Variants in AHNAK2 observed in about 807,000 individuals in gnomAD.
AHNAK2 encodes the protein AHNAK nucleoprotein 2.
Under a neutral mutation model 30.7 loss-of-function variants are expected in AHNAK2, and 18 were observed. The observed-to-expected ratio is 0.59, with a 90% CI of 0.41 to 0.87. AHNAK2 has a LOEUF of 0.87. AHNAK2 is among the 40% of genes least tolerant of loss of function. The probability of loss-of-function intolerance (pLI) is 0.00; values close to 1 mark genes in which losing one functional copy is unlikely to be tolerated. For synonymous variants in AHNAK2, 3,590 were observed against 3,073.8 expected, an observed-to-expected ratio of 1.17 and a Z score of -5.56; for missense variants, 8,604 against 7,373.0, an observed-to-expected ratio of 1.17 and a Z score of -6.11.
At position 104,939,756 on chromosome 14, in the gene AHNAK2, A is replaced by G; in HGVS notation, c.15695T>C (p.Val5232Ala). The G allele has an allele frequency of 6.2e-7, 1 of 1,613,754 alleles. No homozygotes were observed. Among genetic ancestry groups the G allele is most frequent in the Non-Finnish European group, 8.5e-7 (1 of 1,179,874 alleles). Residue 5232 changes from valine (V) to alanine (A), a missense_variant, in exon 7 of 7, where the codon GTC becomes GCC. By Grantham distance (64) the Val-to-Ala change is moderately conservative. Coordinates refer to ENST00000333244, the MANE Select transcript of AHNAK2 (RefSeq NM_138420.4). The stretch of plus-strand genomic sequence containing the variant: ...TGACCCAGAAACAAGGAACTCTTTG[A>G]CTTTAGCTGCTGCTTCACCCCCTGT... ...AATGGEAAAK[V>A]KEFLVSGSNV...
In AHNAK2 at chr14:104,940,374, A is replaced by C; in HGVS notation, c.15077T>G (p.Leu5026Arg). Residue 5026 changes from leucine (L) to arginine (R), a missense_variant, in exon 7 of 7, where the codon CTT becomes CGT. Coordinates refer to ENST00000333244, the MANE Select transcript of AHNAK2 (RefSeq NM_138420.4). The surrounding 1 kb of genome is among the most constrained non-coding windows in gnomAD (Gnocchi z 4.4). ...STKPGFAMPK[L>R]ALPKMKASKS... Reference sequence around the variant, plus strand: ...AGAAGCCTTCATTTTGGGAAGTGCAAGTTTTGGCATGGCAAAGCCAGGCTT... The same window carrying C: ...AGAAGCCTTCATTTTGGGAAGTGCACGTTTTGGCATGGCAAAGCCAGGCTT... 6.2e-7 allele frequency: 1 copy of C among 1,613,780 alleles called. No homozygotes were observed. The highest frequency in any genetic ancestry group is 1.3e-5 in the African/African-American group (1 of 75,014).
rs1898623558 is a variant in AHNAK2, at chr14:104,950,468, G to A, written c.4983C>T (p.Pro1661=). Residue 1661 remains proline, a synonymous_variant, in exon 7 of 7, where the codon CCC becomes CCT. Transcript: ENST00000333244. ...CCCCAAATGATGGCATCTTGAACTT[G>A]GGCATTTTGAACTTGCTGTCTTTGG... is the stretch of plus-strand genomic sequence containing the variant. ...VTAKDSKFKM[P]KFKMPSFGVS... 3.2e-6 allele frequency: 5 copies of A among 1,586,754 alleles called. No individual in the cohort carries two copies. The highest frequency in any genetic ancestry group is 1.4e-5 in the African/African-American group (1 of 72,808).
chr14:104,969,553 T>C (rs574979289), intron 1 of AHNAK2, among the ~76,000 whole-genome samples: 1 of 152,370 alleles, frequency 6.6e-6, no homozygotes, highest in Non-Finnish European at 1.5e-5. Context: ...ACTCAGAGCC[T>C]GGCACACAGT....
rs765365058 is a variant in AHNAK2, at chr14:104,943,444, T to C, written c.12007A>G (p.Ser4003Gly). Residue 4003 changes from serine to glycine, a missense_variant, in exon 7 of 7, where the codon AGC becomes GGC. Transcript: ENST00000333244. ...AGGTCCCCCTGCATGGAAGGGAGGC[T>C]CACGTCGGCCTCCACCTTTGGCGCG... ...VTAPKVEADVSLPSMQGDLKA... is the reference protein window; with the variant it reads ...VTAPKVEADVGLPSMQGDLKA... 2.3e-5 allele frequency: 37 copies of C among 1,613,048 alleles called. No individual in the cohort carries two copies. The Admixed American group carries it at 6.2e-4, about 27-fold the overall frequency.
At chr14:104,958,380 G>A (rs1050690810) in intron 1 of AHNAK2, among the ~76,000 whole-genome samples, 5 of 152,144 alleles carry the variant, frequency 3.3e-5, no homozygotes, top group East Asian at 3.9e-4. Context: ...CCTGGGAGGC[G>A]GAGGTTGTGG....
Position 104,941,728 on chromosome 14 carries a change from G to A in AHNAK2, c.13723C>T (p.Leu4575=). 6.2e-7 allele frequency: 1 copy of A among 1,613,872 alleles called. No homozygotes were observed. Among genetic ancestry groups the A allele is most frequent in the Non-Finnish European group, 8.5e-7 (1 of 1,179,888 alleles). The change falls in exon 7 of 7, where the codon CTG becomes TTG. Residue 4575 remains leucine, a synonymous_variant. Coordinates refer to ENST00000333244, the MANE Select transcript of AHNAK2 (RefSeq NM_138420.4). ...ATCACCTCTGCCTTTGGGCCTTTCA[G>A]GTCCAGCTTGGGGCCCTTGACGTCC... ...QVDVKGPKLD[L]KGPKAEVMAP...
At chr14:104,959,377 G>A (rs1311479618) in intron 1 of AHNAK2, among the ~76,000 whole-genome samples, 1 of 152,126 alleles carries the variant, frequency 6.6e-6, no homozygotes, top group South Asian at 2.1e-4. Context: ...TCACCATGTC[G>A]GCCAGGCTGG....
chr14:104,939,653 T>G lies in AHNAK2; in HGVS notation c.15798A>C (p.Thr5266=). The change falls in exon 7 of 7, where the codon ACA becomes ACC. Residue 5266 remains threonine, a synonymous_variant. Transcript: ENST00000333244. ...TGTCAAGATCACACCTTAGAATATC[T>G]GTGGATGATTTGCTCTCAGAAGCTG... ...EVTASESKSS[T]DILRCDLDST... 6.2e-7 allele frequency: 1 copy of G among 1,613,904 alleles called. No homozygotes were observed. The highest frequency in any genetic ancestry group is 8.5e-7 in the Non-Finnish European group (1 of 1,179,884).
rs572641808 is a variant in AHNAK2, at chr14:104,945,141, G to C, written c.10310C>G (p.Pro3437Arg). The C allele has an allele frequency of 1.9e-6, 3 of 1,613,166 alleles. No homozygotes were observed. The highest frequency in any genetic ancestry group is 2.7e-5 in the African/African-American group (2 of 74,682). Residue 3437 changes from proline (P) to arginine (R), a missense_variant, in exon 7 of 7, where the codon CCC becomes CGC. Transcript: ENST00000333244. ...GGCCTGGACGTCCACCTCCACGCTG[G>C]GCAGAGACACCTCCACATCAGGGAC... ...VTVPDVEVSL[P>R]SVEVDVQAPR...
intron 1 of AHNAK2, among the ~76,000 whole-genome samples, chr14:104,961,470 G>C (rs1006016397): frequency 6.6e-6 from 1 of 151,018 alleles, no homozygotes; most frequent in Non-Finnish European, 1.5e-5. Context: ...AGCCGAGATC[G>C]CGTCACTGCA....
chr14:104,956,122 T>C (rs528759829), intron 4 of AHNAK2, among the ~76,000 whole-genome samples: 25 of 152,208 alleles, frequency 1.6e-4, no homozygotes, highest in African/African-American at 6.0e-4. Flanking sequence ...TGCAGAGCTC[T>C]TGGACTGCTG....
intron 1 of AHNAK2, among the ~76,000 whole-genome samples, chr14:104,962,501 C>A (rs1194374015): frequency 6.6e-6 from 1 of 152,222 alleles, no homozygotes; most frequent in African/African-American, 2.4e-5. Context: ...TCTCAGCTCA[C>A]AGCAACTTCT....
Position 104,947,793 on chromosome 14 carries a change from T to G in AHNAK2, c.7658A>C (p.Glu2553Ala). ...GCCGGCTCCCTCCGGCACAGGGCCC[T>G]CTGGGAGTTTCACGTCCACTTGGCC... ...QAGQVDVKLP[E>A]GPVPEGAGLK... The change falls in exon 7 of 7, where the codon GAG becomes GCG. Residue 2553 changes from glutamate (E) to alanine (A), a missense_variant. By Grantham distance (107) the Glu-to-Ala change is moderately radical. Coordinates refer to ENST00000333244, the MANE Select transcript of AHNAK2 (RefSeq NM_138420.4). The G allele has an allele frequency of 1.9e-6, 3 of 1,612,538 alleles. No individual in the cohort carries two copies. Among genetic ancestry groups the G allele is most frequent in the Non-Finnish European group, 2.5e-6 (3 of 1,179,570 alleles).
Position 104,945,205 on chromosome 14 carries a change from G to C in AHNAK2, c.10246C>G (p.Pro3416Ala), listed in dbSNP as rs1361496594. The C allele has an allele frequency of 1.2e-6, 2 of 1,612,944 alleles. No homozygotes were observed. Among genetic ancestry groups the C allele is most frequent in the Non-Finnish European group, 1.7e-6 (2 of 1,179,640 alleles). Reference protein sequence around the residue: ...LKSPQVDIKGPKLDLKVPKAE... With the variant: ...LKSPQVDIKGAKLDLKVPKAE... ...TTGGGGACTTTTAGGTCCAGCTTGG[G>C]GCCCTTGATGTCCACCTGGGGGCTC... Residue 3416 changes from proline (P) to alanine (A), a missense_variant, in exon 7 of 7, where the codon CCC becomes GCC. Physicochemically the swap from Pro to Ala is conservative, Grantham distance 27. Transcript: ENST00000333244.
rs1257395605 is a variant in AHNAK2, at chr14:104,948,684, A to C, written c.6767T>G (p.Ile2256Arg). The change falls in exon 7 of 7, where the codon ATA (isoleucine) becomes AGA (arginine). Residue 2256 changes from isoleucine to arginine, a missense_variant. Transcript: ENST00000333244. ...VPKVDLKGPE[I>R]DIKGPKLDLK... ...GTCCAGCTTGGGGCCCTTGATGTCT[A>C]TTTCGGGGCCCTTGAGGTCCACTTT... The C allele has an allele frequency of 6.2e-7, 1 of 1,608,604 alleles. No homozygotes were observed. The highest frequency in any genetic ancestry group is 1.4e-5 in the African/African-American group (1 of 73,222).
chr14:104,943,269 A>G lies in AHNAK2; in HGVS notation c.12182T>C (p.Met4061Thr), dbSNP rs1247166672. 11 of 1,612,538 alleles carry G rather than the reference A, an allele frequency of 6.8e-6. No individual in the cohort carries two copies. Among genetic ancestry groups the G allele is most frequent in the Admixed American group, 1.7e-5 (1 of 59,864 alleles). ...GGGGCCCTTGAGGTCCACTTTGGGC[A>G]TCTTGAAACTGGGCATCTGCACCTT... Reference protein sequence around the residue: ...LPKVQMPSFKMPKVDLKGPQI... With the variant: ...LPKVQMPSFKTPKVDLKGPQI... Residue 4061 changes from methionine to threonine, a missense_variant, in exon 7 of 7, where the codon ATG (methionine) becomes ACG (threonine). Physicochemically the swap from Met to Thr is moderately conservative, Grantham distance 81. Transcript: ENST00000333244.
intron 1 of AHNAK2, among the ~76,000 whole-genome samples, chr14:104,962,883 A>C (rs1039622257): frequency 8.5e-5 from 13 of 152,236 alleles, no homozygotes; most frequent in Non-Finnish European, 1.9e-4. Context: ...CATAGAGGGG[A>C]ATGTAAAACC....
In AHNAK2 at chr14:104,951,785, G is replaced by T. The variant is rs761670852; in HGVS notation, c.3666C>A (p.Val1222=). ...GCTTCACGTCCACCTGGCCAGCGTG[G>T]ACCTCCAGGTCAGCGGAAGGGGGCT... ...SIQPPSADLE[V]HAGQVDVKLL... is the part of the protein sequence containing the mutation. The change falls in exon 7 of 7, where the codon GTC becomes GTA. Residue 1222 remains valine, a synonymous_variant. Transcript: ENST00000333244. 31 of 1,343,510 alleles carry T rather than the reference G, an allele frequency of 2.3e-5. 9 individuals are homozygous for T. In the Middle Eastern group the frequency reaches 6.5e-4, roughly 28 times the overall value. 83.2% of individuals were successfully genotyped at this position (1,343,510 alleles called of 1,614,324 possible).
In AHNAK2 at chr14:104,951,140, C is replaced by T. The variant is rs1413699024; in HGVS notation, c.4311G>A (p.Lys1437=). 3 of 1,069,442 alleles carry T rather than the reference C, an allele frequency of 2.8e-6. 1 individual carries two copies. Among genetic ancestry groups the T allele is most frequent in the Non-Finnish European group, 4.1e-6 (3 of 738,054 alleles). 66.2% of individuals were successfully genotyped at this position (1,069,442 alleles called of 1,614,324 possible). Residue 1437 remains lysine (K), a synonymous_variant, in exon 7 of 7, where the codon AAG becomes AAA. Coordinates refer to ENST00000333244, the MANE Select transcript of AHNAK2 (RefSeq NM_138420.4). ...CCACCTTGGGGTCTTTTAGGTCCAG[C>T]TTGGGGCCCTTGATGTCTATTTCAG... ...KGPEIDIKGP[K]LDLKDPKVEV... is the part of the protein sequence containing the mutation.
Sources: gnomAD v4.1 joint callset for allele counts (sites outside exome capture counted in the v4.1 genomes callset) on GRCh38, gnomAD v4.1.1 for gene constraint, Gnocchi (gnomAD v3.1) non-coding constraint, MANE v1.5 for transcripts, NCBI Gene and HGNC (gene_info 2026-07-23, HGNC 2026-07-21) for gene names.